Variants in SREBF2 observed in about 807,000 individuals in gnomAD.
SREBF2 encodes sterol regulatory element binding transcription factor 2, also known as sterol regulatory element-binding protein 2.
A neutral mutation model predicts 113.1 loss-of-function variants in SREBF2; 55 were observed. The ratio of observed to expected loss-of-function variants is 0.49; its 90% CI spans 0.39 to 0.61. SREBF2 has a LOEUF of 0.61. SREBF2 is among the 20% of genes least tolerant of loss of function. The pLI, the probability that SREBF2 is intolerant of heterozygous loss-of-function variation, is 0.00. For missense variants in SREBF2, 1,349 were observed against 1,487.4 expected, an observed-to-expected ratio of 0.91 and a Z score of 1.53; for synonymous variants, 593 against 605.7, an observed-to-expected ratio of 0.98 and a Z score of 0.31.
intron 1 of SREBF2, among the ~76,000 whole-genome samples, chr22:41,843,076 C>T (rs2076844234): frequency 6.6e-6 from 1 of 152,078 alleles, no homozygotes; most frequent in Non-Finnish European, 1.5e-5. Context: ...CACAATGAAG[C>T]AGTTGCCTAA....
At chr22:41,870,205 G>C (rs1687992096) in intron 3 of SREBF2, among the ~76,000 whole-genome samples, 1 of 152,040 alleles carries the variant, frequency 6.6e-6, no homozygotes, top group African/African-American at 2.4e-5. Context: ...TATTATTTTT[G>C]CTTCTCAGCC....
intron 1 of SREBF2, among the ~76,000 whole-genome samples, chr22:41,848,002 G>A (rs188892637): frequency 3.3e-5 from 5 of 150,858 alleles, no homozygotes; most frequent in African/African-American, 7.3e-5. Flanking sequence ...TGCAAGCTCC[G>A]CCTCCCGGGT....
At chr22:41,873,572 G>A in intron 4 of SREBF2, 2 of 580,822 alleles carry the variant, frequency 3.4e-6, no homozygotes, top group South Asian at 4.0e-5. Context: ...TAATCCTCTT[G>A]TGGTGTAGTT....
intron 1 of SREBF2, among the ~76,000 whole-genome samples, chr22:41,856,286 C>G (rs1235126070): frequency 6.6e-6 from 1 of 152,026 alleles, no homozygotes; most frequent in African/African-American, 2.4e-5. Flanking sequence ...GCCACCATGC[C>G]CCCTGCTAAA....
At chr22:41,904,387 TA>T in intron 17 of SREBF2, 1 of 355,664 alleles carries the variant, frequency 2.8e-6, no homozygotes, top group Non-Finnish European at 5.6e-6. Context: ...GGCTCATACC[TA>T]AGCGCTGCAG....
chr22:41,900,899 A>G (rs780775658), intron 16 of SREBF2: 1 of 527,070 alleles, frequency 1.9e-6, no homozygotes, highest in Admixed American at 2.0e-5. Context: ...GCTGAAGACC[A>G]CCCTGGGCAC....
At chr22:41,854,034 CAAAA>C (rs1211599087) in intron 1 of SREBF2, among the ~76,000 whole-genome samples, 6 of 70,666 alleles carry the variant, frequency 8.5e-5, no homozygotes, top group African/African-American at 1.1e-4. Flanking sequence ...GACTCCATCT[CAAAA>C]AAAAAAAAAA....
Position 41,833,511 on chromosome 22 carries a change from C to T in SREBF2, c.88+153C>T, listed in dbSNP as rs1194738985. 2.3e-5 allele frequency: 13 copies of T among 562,460 alleles called. No homozygotes were observed. The highest frequency in any genetic ancestry group is 3.8e-5 in the Non-Finnish European group (13 of 343,728). The allele number at this position is 562,460 out of a possible 1,614,324, so 34.8% of individuals were successfully genotyped here. ...GTGCCCCCGGCGGTCCTCAACCCTTCCGGCGCTGCGAGCGTGAGCCCGACC... is the reference window on the plus strand; with the variant it reads ...GTGCCCCCGGCGGTCCTCAACCCTTTCGGCGCTGCGAGCGTGAGCCCGACC... On this transcript the variant is annotated intron_variant, in intron 1 of 18. Transcript: ENST00000361204. This position sits in a 1 kb window ranked among gnomAD's most constrained non-coding sequence, Gnocchi z 4.1.
In SREBF2 at chr22:41,877,285, G is replaced by A. The variant is rs1299821629; in HGVS notation, c.1443G>A (p.Arg481=). Residue 481 remains arginine (R), a synonymous_variant, in exon 8 of 19, where the codon CGG becomes CGA. Coordinates refer to ENST00000361204, the MANE Select transcript of SREBF2 (RefSeq NM_004599.4). ...CGCTGGGCATGGTAGACCGCTCACGGATTCTTCTGTGTGTCCTCACCTTCC... is the reference window on the plus strand; with the variant it reads ...CGCTGGGCATGGTAGACCGCTCACGAATTCTTCTGTGTGTCCTCACCTTCC... ...PVALGMVDRS[R]ILLCVLTFLC... 1.9e-6 allele frequency: 3 copies of A among 1,614,196 alleles called. No individual in the cohort carries two copies. Among genetic ancestry groups the A allele is most frequent in the Non-Finnish European group, 2.5e-6 (3 of 1,180,038 alleles).
chr22:41,869,464 G>A (rs182687107), intron 3 of SREBF2, among the ~76,000 whole-genome samples: 76 of 147,758 alleles, frequency 5.1e-4, no homozygotes, highest in Non-Finnish European at 1.0e-3. Context: ...GGGAGGGGGG[G>A]CATGTATTAT....
intron 1 of SREBF2, among the ~76,000 whole-genome samples, chr22:41,836,929 T>C (rs1365719490): frequency 6.6e-6 from 1 of 152,176 alleles, no homozygotes; most frequent in East Asian, 1.9e-4. Flanking sequence ...TTCCAGTCCA[T>C]TGGTACCCTT....
intron 1 of SREBF2, among the ~76,000 whole-genome samples, chr22:41,862,042 C>T (rs1465312460): frequency 6.6e-6 from 1 of 151,360 alleles, no homozygotes; most frequent in Non-Finnish European, 1.5e-5. Context: ...GTAACAAATA[C>T]CTGTTAAAGG....
chr22:41,850,209 G>A (rs1463473115), intron 1 of SREBF2, among the ~76,000 whole-genome samples: 2 of 151,978 alleles, frequency 1.3e-5, no homozygotes, highest in South Asian at 4.2e-4. Context: ...CAGCACTTTG[G>A]GAGGCCGAGG....
intron 2 of SREBF2, among the ~76,000 whole-genome samples, chr22:41,867,738 C>T (rs1467937522): frequency 6.6e-6 from 1 of 151,820 alleles, no homozygotes; most frequent in Non-Finnish European, 1.5e-5. Flanking sequence ...ACCCGGGAGG[C>T]AGAGCTTGCA....
At chr22:41,862,035 A>G (rs1285775962) in intron 1 of SREBF2, among the ~76,000 whole-genome samples, 1 of 152,222 alleles carries the variant, frequency 6.6e-6, no homozygotes, top group Non-Finnish European at 1.5e-5. Context: ...GGGCTGGGTA[A>G]CAAATACCTG....
In SREBF2 at chr22:41,905,499, C is replaced by A. The variant is rs372007376; in HGVS notation, c.3265C>A (p.Arg1089Ser). The A allele has an allele frequency of 2.2e-5, 34 of 1,579,736 alleles. No individual in the cohort carries two copies. In the East Asian group the frequency reaches 7.0e-4, roughly 32 times the overall value. ...ERATAILLAC[R>S]HLPLSFLSSP... is the part of the protein sequence containing the mutation. ...GGCCACCGCCATCCTGCTGGCCTGC[C>A]GCCACCTGCCCCTCTCCTTCCTCTC... The change falls in exon 19 of 19, where the codon CGC becomes AGC. Residue 1089 changes from arginine to serine, a missense_variant. Physicochemically the swap from Arg to Ser is moderately radical, Grantham distance 110. Coordinates refer to ENST00000361204, the MANE Select transcript of SREBF2 (RefSeq NM_004599.4).
At chr22:41,904,551 T>G in intron 17 of SREBF2, 1 of 578,428 alleles carries the variant, frequency 1.7e-6, no homozygotes, top group Non-Finnish European at 3.4e-6. Flanking sequence ...TCCAGGGCCT[T>G]GGGGCTTCAC....
At chr22:41,902,111 C>T (rs1199564835) in intron 16 of SREBF2, among the ~76,000 whole-genome samples, 1 of 152,186 alleles carries the variant, frequency 6.6e-6, no homozygotes, top group East Asian at 1.9e-4. Context: ...TTCCTCAGGC[C>T]CAGTGTCCTG....
At position 41,906,672 on chromosome 22, in the gene SREBF2, A is replaced by G. The variant is rs370768985; in HGVS notation, c.*1012A>G. 6.6e-6 allele frequency: 1 copy of G among 152,280 alleles called. No homozygotes were observed. Among genetic ancestry groups the G allele is most frequent in the African/African-American group, 2.4e-5 (1 of 41,444 alleles). The allele number at this position is 152,280 out of a possible 1,614,324, so 9.4% of individuals were successfully genotyped here. Reference sequence around the variant, plus strand: ...GATGGGTTTATCAGGAAGTAACCCCATGGTAAGTTGAGGCATATCTGTATA... The same window carrying G: ...GATGGGTTTATCAGGAAGTAACCCCGTGGTAAGTTGAGGCATATCTGTATA... On this transcript the variant is annotated 3_prime_UTR_variant, in exon 19 of 19. Coordinates refer to ENST00000361204, the MANE Select transcript of SREBF2 (RefSeq NM_004599.4).
Sources: allele counts gnomAD v4.1 joint callset (sites outside exome capture counted in the v4.1 genomes callset), GRCh38; gene constraint gnomAD v4.1.1; non-coding constraint Gnocchi (gnomAD v3.1); transcripts MANE v1.5; gene names NCBI Gene and HGNC (gene_info 2026-07-23, HGNC 2026-07-21).